The following DLC1 variants were observed in gnomAD, a reference collection of about 807,000 sequenced individuals.
The protein encoded by DLC1 is rho GTPase-activating protein 7.
A neutral mutation model predicts 140.3 loss-of-function variants in DLC1; 54 were observed. That is an observed-to-expected ratio of 0.38 (90% CI 0.31 to 0.48). The LOEUF (loss-of-function observed/expected upper bound fraction) is 0.48, where lower values mean the gene tolerates loss of function less well. DLC1 is among the 20% of genes least tolerant of loss of function. DLC1 has a pLI of 0.96. For synonymous variants in DLC1, 986 were observed against 728.1 expected, an observed-to-expected ratio of 1.35 and a Z score of -5.70; for missense variants, 2,536 against 1,907.0, an observed-to-expected ratio of 1.33 and a Z score of -6.14.
intron 2 of DLC1, among the ~76,000 whole-genome samples, chr8:13,493,565 AAC>A (rs1347014134): frequency 3.3e-5 from 5 of 152,206 alleles, no homozygotes; most frequent in African/African-American, 7.2e-5. Context: ...ATGTGCTGAG[AAC>A]GTTCAATATC....
chr8:13,217,854 C>CA (rs199615802), intron 5 of DLC1, among the ~76,000 whole-genome samples: 11,514 of 120,940 alleles, frequency 0.095, 1,090 homozygotes, highest in African/African-American at 0.28. Context: ...AAAACAACAA[C>CA]AAAAAAAAAC....
intron 1 of DLC1, among the ~76,000 whole-genome samples, chr8:13,503,390 CA>C (rs772753226): frequency 6.0e-5 from 9 of 148,912 alleles, no homozygotes; most frequent in Non-Finnish European, 1.0e-4. Flanking sequence ...GGTGATAGAG[CA>C]AAAAAAAATA....
intron 1 of DLC1, among the ~76,000 whole-genome samples, chr8:13,537,338 A>G (rs538645597): frequency 3.9e-5 from 6 of 152,340 alleles, no homozygotes; most frequent in Admixed American, 3.9e-4. Flanking sequence ...CATGTTTGCT[A>G]GACTTAATCA....
intron 1 of DLC1, among the ~76,000 whole-genome samples, chr8:13,529,597 G>A (rs1455149340): frequency 6.6e-6 from 1 of 152,124 alleles, no homozygotes; most frequent in African/African-American, 2.4e-5. Context: ...TATTGTAGGA[G>A]AGAATTTCAA....
intron 5 of DLC1, among the ~76,000 whole-genome samples, chr8:13,275,626 A>C (rs926509035): frequency 1.3e-5 from 2 of 152,180 alleles, no homozygotes; most frequent in Non-Finnish European, 2.9e-5. Context: ...CTGCAAACAC[A>C]GTCTACCATT....
At chr8:13,365,909 C>T (rs1012750070) in intron 4 of DLC1, among the ~76,000 whole-genome samples, 2 of 152,188 alleles carry the variant, frequency 1.3e-5, no homozygotes, top group Non-Finnish European at 2.9e-5. Flanking sequence ...CCTGAAGTCA[C>T]TCACAGCAGG....
chr8:13,395,401 T>G (rs948412899), intron 3 of DLC1, among the ~76,000 whole-genome samples: 1 of 152,146 alleles, frequency 6.6e-6, no homozygotes, highest in Non-Finnish European at 1.5e-5. Flanking sequence ...ATTGCGCGCA[T>G]GAGCCACCGC....
intron 15 of DLC1, among the ~76,000 whole-genome samples, 184 bp downstream of exon 15, chr8:13,090,068 A>C (rs1357412805): frequency 1.3e-5 from 2 of 152,040 alleles, no homozygotes; most frequent in Non-Finnish European, 2.9e-5. Flanking sequence ...GAAGAAAATT[A>C]CTCTTGCTTT....
intron 2 of DLC1, among the ~76,000 whole-genome samples, chr8:13,451,843 C>T (rs1371297572): frequency 6.6e-6 from 1 of 152,138 alleles, no homozygotes; most frequent in Non-Finnish European, 1.5e-5. Context: ...TTGCAGATAT[C>T]TGTTTGATAC....
chr8:13,276,234 CG>C, intron 5 of DLC1: 1 of 1,534,190 alleles, frequency 6.5e-7, no homozygotes, highest in Non-Finnish European at 8.7e-7. Context: ...CCCTCACCCC[CG>C]GTCTCCAATC....
intron 1 of DLC1, among the ~76,000 whole-genome samples, chr8:13,552,199 AGGTG>A (rs1240118322): frequency 1.4e-5 from 2 of 144,366 alleles, no homozygotes; most frequent in African/African-American, 5.0e-5. Flanking sequence ...ACCTGTCTAG[AGGTG>A]TATATATATA....
intron 10 of DLC1, among the ~76,000 whole-genome samples, chr8:13,096,838 C>G (rs190729042): frequency 5.3e-5 from 8 of 152,298 alleles, no homozygotes; most frequent in Non-Finnish European, 1.0e-4. Flanking sequence ...TGGGCGGCTT[C>G]TCCATTTTTA....
intron 5 of DLC1, among the ~76,000 whole-genome samples, chr8:13,196,116 AC>A (rs1269420635): frequency 6.6e-5 from 10 of 152,016 alleles, no homozygotes; most frequent in African/African-American, 2.4e-4. Context: ...ACACACACAC[AC>A]ACACACACAC....
intron 2 of DLC1, among the ~76,000 whole-genome samples, chr8:13,461,125 G>C (rs1250019938): frequency 6.6e-6 from 1 of 152,224 alleles, no homozygotes; most frequent in Non-Finnish European, 1.5e-5. Context: ...CAAAAGGTTT[G>C]CTTGAGCCCA....
rs781510809 is a variant in DLC1, at chr8:13,393,592, G to A, written c.1275C>T (p.Ser425=). 6.2e-7 allele frequency: 1 copy of A among 1,614,090 alleles called. No homozygotes were observed. The highest frequency in any genetic ancestry group is 1.7e-5 in the Admixed American group (1 of 60,008). ...SDTESTDLPS[S]TPVANSGTKP... is the part of the protein sequence containing the mutation. Reference sequence around the variant, plus strand: ...TGGTTCCAGAATTGGCTACTGGAGTGGAAGATGGGAGGTCCGTGGACTCAG... The same window carrying A: ...TGGTTCCAGAATTGGCTACTGGAGTAGAAGATGGGAGGTCCGTGGACTCAG... Residue 425 remains serine, a synonymous_variant, in exon 4 of 18, where the codon TCC becomes TCT. Coordinates refer to ENST00000276297, the MANE Select transcript of DLC1 (RefSeq NM_182643.3).
chr8:13,586,969 G>A (rs1421215776), intron 1 of DLC1, among the ~76,000 whole-genome samples: 1 of 151,988 alleles, frequency 6.6e-6, no homozygotes, highest in African/African-American at 2.4e-5. Context: ...GGACATTGAG[G>A]ACCTTTTTAA....
intron 5 of DLC1, among the ~76,000 whole-genome samples, chr8:13,286,651 C>T (rs1586072739): frequency 7.0e-6 from 1 of 143,000 alleles, no homozygotes; most frequent in Non-Finnish European, 1.5e-5. Flanking sequence ...ATATTAGCAG[C>T]AAAAGAATGT....
At chr8:13,402,362 C>T (rs935969230) in intron 2 of DLC1, among the ~76,000 whole-genome samples, 4 of 152,126 alleles carry the variant, frequency 2.6e-5, no homozygotes, top group Non-Finnish European at 5.9e-5. Flanking sequence ...ATGACTCAAC[C>T]ATTCTGGTGT....
intron 5 of DLC1, among the ~76,000 whole-genome samples, chr8:13,261,400 A>C (rs894775090): frequency 2.0e-5 from 3 of 152,204 alleles, no homozygotes; most frequent in Non-Finnish European, 4.4e-5. Flanking sequence ...GGTAGGCCCC[A>C]GGTCAGGCAG....
Sources: allele counts gnomAD v4.1 joint callset (sites outside exome capture counted in the v4.1 genomes callset), GRCh38; gene constraint gnomAD v4.1.1; transcripts MANE v1.5; gene names NCBI Gene and HGNC (gene_info 2026-07-23, HGNC 2026-07-21).